Variants in GALNT14 observed in about 807,000 individuals in gnomAD.
GALNT14 encodes UDP-GalNAc:polypeptide N-acetylgalactosaminyltransferase 14.
In GALNT14, 60 loss-of-function variants were observed where a neutral mutation model predicts 77.5. The observed-to-expected ratio is 0.77, with a 90% CI of 0.63 to 0.96. The LOEUF (loss-of-function observed/expected upper bound fraction) is 0.96. Ranked by LOEUF, GALNT14 falls within the 40% of genes least tolerant of loss-of-function variation. The pLI, the probability that GALNT14 is intolerant of heterozygous loss-of-function variation, is 0.00. For synonymous variants in GALNT14, 280 were observed against 281.7 expected (o/e 0.99, Z 0.06); for missense variants, 710 against 731.0 (o/e 0.97, Z 0.33).
intron 1 of GALNT14, among the ~76,000 whole-genome samples, chr2:31,032,544 A>G (rs1415326988): frequency 2.0e-5 from 3 of 152,218 alleles, no homozygotes; most frequent in Non-Finnish European, 4.4e-5. Context: ...GAGGTCAAGC[A>G]TGTTAAGAAG....
At chr2:31,073,963 C>A (rs1404175991) in intron 1 of GALNT14, among the ~76,000 whole-genome samples, 5 of 152,204 alleles carry the variant, frequency 3.3e-5, no homozygotes, top group Admixed American at 3.3e-4. Context: ...GGCTGGCTAC[C>A]TGTCTACCTG....
rs540730745 is a variant in GALNT14 at position 30,928,710 on chromosome 2, A to G, written c.1151+685T>C. Among the ~76,000 whole-genome samples the G allele has an allele frequency of 4.8e-3, 729 of 152,124 alleles. 6 individuals are homozygous for G. The highest frequency in any genetic ancestry group is 0.017 in the African/African-American group (694 of 41,496). On this transcript the variant is annotated intron_variant, in intron 11 of 14. Transcript: ENST00000349752. ...CGGCTCACTGCAACCTCCGCCTCCC[A>G]GGTTCAAGCGATTCTCCTGCCTCAG...
chr2:31,036,904 T>G (rs772171047), intron 1 of GALNT14, among the ~76,000 whole-genome samples: 4 of 152,212 alleles, frequency 2.6e-5, no homozygotes, highest in Non-Finnish European at 5.9e-5. Flanking sequence ...CTCTTTTCTC[T>G]TCCTGCTTTC....
intron 13 of GALNT14, among the ~76,000 whole-genome samples, chr2:30,918,974 A>G (rs1664870917): frequency 6.6e-6 from 1 of 152,096 alleles, no homozygotes; most frequent in South Asian, 2.1e-4. Flanking sequence ...GCCAGTCCAG[A>G]TTAGGGGGAG....
rs115489286 is a variant in GALNT14, at chr2:30,968,055, C to G, written c.300-1753G>C. Among the ~76,000 whole-genome samples, 453 of 152,298 alleles carry G rather than the reference C, an allele frequency of 3.0e-3. 2 individuals carry two copies. Among genetic ancestry groups the G allele is most frequent in the African/African-American group, 0.01 (419 of 41,564 alleles). On this transcript the variant is annotated intron_variant, in intron 2 of 14. Coordinates refer to ENST00000349752, the MANE Select transcript of GALNT14 (RefSeq NM_024572.4). ...CTCCCCCAAATAGGTAAGGACCTGTCCTTTGTGTTGCCATCATTCTGTACA... is the reference window on the plus strand; with the variant it reads ...CTCCCCCAAATAGGTAAGGACCTGTGCTTTGTGTTGCCATCATTCTGTACA...
chr2:30,912,359 C>T lies in GALNT14; in HGVS notation c.1381-17G>A. The T allele has an allele frequency of 1.9e-6, 3 of 1,613,064 alleles. No individual in the cohort carries two copies. The highest frequency in any genetic ancestry group is 2.5e-6 in the Non-Finnish European group (3 of 1,179,542). On this transcript the variant is annotated splice_polypyrimidine_tract_variant and intron_variant, in intron 13 of 14. Transcript: ENST00000349752. ...GGCCCATACCTGGGGAGAAAGAGAC[C>T]AGGAAGGTTTGTTCAGGATCCAGGA... is the stretch of plus-strand genomic sequence containing the variant.
chr2:31,060,539 C>T (rs1674526158), intron 1 of GALNT14, among the ~76,000 whole-genome samples: 1 of 152,188 alleles, frequency 6.6e-6, no homozygotes, highest in Non-Finnish European at 1.5e-5. Context: ...GTTCATAAAA[C>T]ATTTGCTAAC....
chr2:31,051,246 G>A (rs72854810), intron 1 of GALNT14, among the ~76,000 whole-genome samples: 2,569 of 152,278 alleles, frequency 0.017, 78 homozygotes, highest in African/African-American at 0.057. Context: ...TGCATCCACC[G>A]GGCTAGGCTG....
the GALNT14 span, among the ~76,000 whole-genome samples, chr2:30,904,681 A>C: frequency 2.0e-5 from 3 of 152,086 alleles, no homozygotes; most frequent in African/African-American, 7.2e-5. Context: ...CAAAGCAGCC[A>C]GGAAGCTCGA....
In GALNT14 at chr2:30,910,800, G is replaced by T. The variant is rs1664308632; in HGVS notation, c.*101C>A. 14 of 1,308,812 alleles carry T rather than the reference G, an allele frequency of 1.1e-5. No individual in the cohort carries two copies. Among genetic ancestry groups the T allele is most frequent in the Non-Finnish European group, 1.5e-5 (14 of 946,578 alleles). The allele number at this position is 1,308,812 out of a possible 1,614,324, so 81.1% of individuals were successfully genotyped here. A position where few individuals can be genotyped will look rare whatever the true frequency, so the allele number is the denominator to read the frequency against. On this transcript the variant is annotated 3_prime_UTR_variant, in exon 15 of 15. Coordinates refer to ENST00000349752, the MANE Select transcript of GALNT14 (RefSeq NM_024572.4). ...GCTCTGCCTCCACCTCCCAGTCCAG[G>T]ATGTCTGAGGTGGTTGCAGGCTGCT...
the GALNT14 span, among the ~76,000 whole-genome samples, chr2:30,893,502 T>C: frequency 6.6e-6 from 1 of 152,206 alleles, no homozygotes; most frequent in Admixed American, 6.5e-5. Context: ...TTACCAAAAA[T>C]TATTTTATAA....
At chr2:30,889,352 C>T in the GALNT14 span, among the ~76,000 whole-genome samples, 1 of 152,176 alleles carries the variant, frequency 6.6e-6, no homozygotes, top group Non-Finnish European at 1.5e-5. Flanking sequence ...CTTGGAACAG[C>T]TCCTCCTCCC....
In GALNT14 at chr2:31,003,566, T is replaced by G. The variant is rs538090874; in HGVS notation, c.130-10559A>C. The stretch of plus-strand genomic sequence containing the variant: ...CATTTGATTTCTCTCTCATTTAGTC[T>G]CTGACAACAAAAGCAACCACTGCCC... On this transcript the variant is annotated intron_variant, in intron 1 of 14. Coordinates refer to ENST00000349752, the MANE Select transcript of GALNT14 (RefSeq NM_024572.4). Among the ~76,000 whole-genome samples, 3 of 152,306 alleles carry G rather than the reference T, an allele frequency of 2.0e-5. No homozygotes were observed. In the South Asian group the frequency reaches 6.2e-4, roughly 32 times the overall value.
chr2:31,083,437 C>A (rs1368751223), intron 1 of GALNT14, among the ~76,000 whole-genome samples: 1 of 152,182 alleles, frequency 6.6e-6, no homozygotes, highest in Non-Finnish European at 1.5e-5. Flanking sequence ...CTGGTCTAAT[C>A]ATTTCCTCCC....
At chr2:30,960,536 C>T (rs956756461) in intron 3 of GALNT14, among the ~76,000 whole-genome samples, 2 of 152,094 alleles carry the variant, frequency 1.3e-5, no homozygotes, top group South Asian at 2.1e-4. Flanking sequence ...TAGACCATTT[C>T]GTGGTAACAC....
chr2:30,935,284 C>T (rs1665985575), intron 9 of GALNT14, among the ~76,000 whole-genome samples: 1 of 152,212 alleles, frequency 6.6e-6, no homozygotes, highest in South Asian at 2.1e-4. Flanking sequence ...ACCACCCTGC[C>T]TCCATACTGA....
chr2:30,947,603 A>AAAACC (rs1666778193), intron 6 of GALNT14, among the ~76,000 whole-genome samples: 1 of 152,218 alleles, frequency 6.6e-6, no homozygotes, highest in African/African-American at 2.4e-5. Flanking sequence ...AATGGGAATC[A>AAAACC]GGCAGCCCAT....
At chr2:31,005,222 C>T (rs1360748017) in intron 1 of GALNT14, among the ~76,000 whole-genome samples, 3 of 152,126 alleles carry the variant, frequency 2.0e-5, no homozygotes, top group East Asian at 3.8e-4. Flanking sequence ...GTTTTCAACC[C>T]AATTTTAGCT....
At chr2:30,945,661 G>T (rs114089882) in intron 7 of GALNT14, 122 bp downstream of exon 7, 18,807 of 764,186 alleles carry the variant, frequency 0.025, 351 homozygotes, top group Non-Finnish European at 0.032. Flanking sequence ...TTATAGTGCA[G>T]GTTGCAGGCT....
Sources: allele counts gnomAD v4.1 joint callset (sites outside exome capture counted in the v4.1 genomes callset), GRCh38; gene constraint gnomAD v4.1.1; transcripts MANE v1.5; gene names NCBI Gene and HGNC (gene_info 2026-07-23, HGNC 2026-07-21).